TEX2: variants seen among roughly 807,000 people sequenced by gnomAD.
TEX2 encodes testis expressed 2, also known as testis-expressed protein 2.
In TEX2, 53 loss-of-function variants were observed where a neutral mutation model predicts 106.9. The observed-to-expected ratio is 0.50, with a 90% confidence interval of 0.40 to 0.62. The LOEUF (loss-of-function observed/expected upper bound fraction) is 0.62. TEX2 is among the 20% of genes least tolerant of loss of function. The probability of loss-of-function intolerance (pLI) is 0.00; values close to 1 mark genes in which losing one functional copy is unlikely to be tolerated. For synonymous variants in TEX2, 523 were observed against 534.8 expected, an observed-to-expected ratio of 0.98 and a Z score of 0.30; for missense variants, 1,207 against 1,379.0, an observed-to-expected ratio of 0.88 and a Z score of 1.98.
At chr17:64,248,274 C>A (rs913653884) in intron 1 of TEX2, among the ~76,000 whole-genome samples, 1 of 152,138 alleles carries the variant, frequency 6.6e-6, no homozygotes, top group African/African-American at 2.4e-5. Context: ...AATTTATAAG[C>A]TATTAATTTG....
intron 1 of TEX2, among the ~76,000 whole-genome samples, chr17:64,251,106 G>A (rs2143478669): frequency 6.6e-6 from 1 of 152,264 alleles, no homozygotes; most frequent in Non-Finnish European, 1.5e-5. Context: ...ATAGTACTTT[G>A]CTCTAACTCC....
chr17:64,193,220 C>A (rs1010961098), intron 4 of TEX2, among the ~76,000 whole-genome samples: 1 of 152,206 alleles, frequency 6.6e-6, no homozygotes, highest in Admixed American at 6.5e-5. Flanking sequence ...AAAGTACCAG[C>A]CTGAAGGATC....
At chr17:64,190,550 C>T (rs1413937709) in intron 4 of TEX2, among the ~76,000 whole-genome samples, 3 of 150,912 alleles carry the variant, frequency 2.0e-5, no homozygotes, top group Middle Eastern at 3.4e-3. Flanking sequence ...CTTCACATCA[C>T]CTCACCCTTC....
intron 10 of TEX2, among the ~76,000 whole-genome samples, chr17:64,152,155 G>C (rs141363508): frequency 6.6e-6 from 1 of 152,280 alleles, no homozygotes; most frequent in East Asian, 1.9e-4. Flanking sequence ...TGTTATGAGT[G>C]TAGTTTATGG....
chr17:64,248,921 G>C (rs1033427598), intron 1 of TEX2, among the ~76,000 whole-genome samples: 1 of 152,040 alleles, frequency 6.6e-6, no homozygotes, highest in Non-Finnish European at 1.5e-5. Flanking sequence ...TGTAATCCCA[G>C]CTACTTAGGA....
intron 5 of TEX2, among the ~76,000 whole-genome samples, chr17:64,178,075 T>C (rs987767999): frequency 5.9e-5 from 9 of 152,242 alleles, no homozygotes; most frequent in African/African-American, 2.2e-4. Flanking sequence ...AGATCTGGAT[T>C]AGAGAGAGCT....
chr17:64,164,802 A>G (rs1190452766), intron 7 of TEX2, among the ~76,000 whole-genome samples: 1 of 151,276 alleles, frequency 6.6e-6, no homozygotes, highest in Non-Finnish European at 1.5e-5. Context: ...CCCCACAGAT[A>G]AGGGGTGGCC....
chr17:64,244,085 G>C (rs1280211843), intron 1 of TEX2, among the ~76,000 whole-genome samples: 1 of 152,192 alleles, frequency 6.6e-6, no homozygotes, highest in Non-Finnish European at 1.5e-5. Context: ...GGGATTACAA[G>C]TGTGAACCAC....
At position 64,259,967 on chromosome 17, in the gene TEX2, G is replaced by A. The variant is rs940012912; in HGVS notation, c.-26+3201C>T. Among the ~76,000 whole-genome samples, 4 of 152,266 alleles carry A rather than the reference G, an allele frequency of 2.6e-5. No individual in the cohort carries two copies. The East Asian group carries it at 7.7e-4, about 29-fold the overall frequency. ...TACACTGTCTTAGCATTGTTGAAAT[G>A]GGAATATTTTCCCACTTTACAAAGA... On this transcript the variant is annotated intron_variant, in intron 1 of 11. Coordinates refer to ENST00000584379, the MANE Select transcript of TEX2 (RefSeq NM_001288732.2).
In TEX2 at chr17:64,200,409, G is replaced by A. The variant is rs137907721; in HGVS notation, c.1645-5314C>T. The stretch of plus-strand genomic sequence containing the variant: ...CATTTCCACAGTGCTTCAGGGATTC[G>A]GTTTTTAGCCACAAAGCCAGGCATT... On this transcript the variant is annotated intron_variant, in intron 2 of 11. Transcript: ENST00000584379. 1.8e-3 allele frequency among the ~76,000 whole-genome samples: 274 copies of A among 152,270 alleles called. 1 individual carries two copies. The highest frequency in any genetic ancestry group is 6.3e-3 in the African/African-American group (262 of 41,548).
chr17:64,160,582 G>A (rs1015885440), intron 8 of TEX2, among the ~76,000 whole-genome samples: 1 of 152,098 alleles, frequency 6.6e-6, no homozygotes, highest in African/African-American at 2.4e-5. Flanking sequence ...CCAGCACTGA[G>A]GTCAAAGGCG....
chr17:64,149,626 C>T (rs1017691298), intron 11 of TEX2: 4 of 152,378 alleles, frequency 2.6e-5, no homozygotes, highest in African/African-American at 9.7e-5. Flanking sequence ...CTAAAAATAC[C>T]AAAAAATTAG....
chr17:64,179,240 A>C (rs1976269), intron 5 of TEX2, among the ~76,000 whole-genome samples: 1 of 151,906 alleles, frequency 6.6e-6, no homozygotes, highest in Non-Finnish European at 1.5e-5. Flanking sequence ...TCAGTGCCCT[A>C]TAAAACGCAC....
intron 6 of TEX2, 137 bp from the exon 7 acceptor site, chr17:64,171,336 G>A: frequency 1.5e-6 from 1 of 687,476 alleles, no homozygotes; most frequent in Non-Finnish European, 2.6e-6. Flanking sequence ...AACGTAATGT[G>A]CACACATCAT....
At chr17:64,189,615 A>T (rs1598159168) in intron 4 of TEX2, among the ~76,000 whole-genome samples, 1 of 152,330 alleles carries the variant, frequency 6.6e-6, no homozygotes, top group Middle Eastern at 3.4e-3. Context: ...AGAGGTTTTA[A>T]GCATGGGATG....
intron 5 of TEX2, among the ~76,000 whole-genome samples, chr17:64,187,930 A>C (rs946851971): frequency 6.6e-6 from 1 of 152,206 alleles, no homozygotes; most frequent in African/African-American, 2.4e-5. Context: ...ATAAAATAGC[A>C]GTTCTGGCCA....
At chr17:64,247,329 G>T (rs2034008203) in intron 1 of TEX2, among the ~76,000 whole-genome samples, 1 of 151,644 alleles carries the variant, frequency 6.6e-6, no homozygotes, top group African/African-American at 2.4e-5. Flanking sequence ...AGGAAGAAGA[G>T]GAATAAAAGA....
chr17:64,163,757 CAT>C (rs954932837), intron 7 of TEX2, among the ~76,000 whole-genome samples: 17 of 152,180 alleles, frequency 1.1e-4, no homozygotes, highest in African/African-American at 3.4e-4. Flanking sequence ...TGGGGACTAA[CAT>C]AGCAACAATG....
intron 2 of TEX2, among the ~76,000 whole-genome samples, chr17:64,204,054 T>C (rs540241865): frequency 3.3e-4 from 51 of 152,320 alleles, no homozygotes; most frequent in African/African-American, 1.2e-3. Context: ...AAGGTCTGAG[T>C]TACATTAATA....
Sources: gnomAD v4.1 joint callset for allele counts (sites outside exome capture counted in the v4.1 genomes callset) on GRCh38, gnomAD v4.1.1 for gene constraint, MANE v1.5 for transcripts, NCBI Gene and HGNC (gene_info 2026-07-23, HGNC 2026-07-21) for gene names.